The following CDC42BPA variants were observed in gnomAD, a reference collection of about 807,000 sequenced individuals.
The protein encoded by CDC42BPA is serine/threonine-protein kinase MRCK alpha.
Under a neutral mutation model 223.5 loss-of-function variants are expected in CDC42BPA, and 80 were observed. The ratio of observed to expected loss-of-function variants is 0.36; its 90% CI spans 0.30 to 0.43. The LOEUF is 0.43. Ranked by LOEUF, CDC42BPA falls within the 20% of genes least tolerant of loss-of-function variation. CDC42BPA has a pLI of 1.00. For missense variants in CDC42BPA, 1,743 were observed against 2,099.9 expected, an observed-to-expected ratio of 0.83 and a Z score of 3.32; for synonymous variants, 694 against 718.6, an observed-to-expected ratio of 0.97 and a Z score of 0.55.
Position 227,096,831 on chromosome 1 carries a change from T to C in CDC42BPA, c.2249+4161A>G, listed in dbSNP as rs536923277. 2.6e-5 allele frequency among the ~76,000 whole-genome samples: 4 copies of C among 152,292 alleles called. No homozygotes were observed. In the South Asian group the frequency reaches 6.2e-4, roughly 24 times the overall value. On this transcript the variant is annotated intron_variant, in intron 15 of 36. Transcript: ENST00000366766. ...GACACCAGCTGGTTTTATTTATGTA[T>C]TCAGCTGATGATCTCTGAATCTACA...
chr1:227,279,260 A>G (rs1214438012), intron 1 of CDC42BPA, among the ~76,000 whole-genome samples: 7 of 152,114 alleles, frequency 4.6e-5, no homozygotes, highest in Non-Finnish European at 1.0e-4. Context: ...ATTGACTGGA[A>G]ATTTAAAATT....
intron 1 of CDC42BPA, among the ~76,000 whole-genome samples, chr1:227,254,801 G>T (rs1005270941): frequency 9.9e-5 from 15 of 152,166 alleles, no homozygotes; most frequent in Non-Finnish European, 2.2e-4. Flanking sequence ...TAATTATGTG[G>T]ATACTAATGC....
intron 16 of CDC42BPA, among the ~76,000 whole-genome samples, chr1:227,084,519 C>T (rs1681402218): frequency 7.3e-6 from 1 of 136,942 alleles, no homozygotes. Context: ...CAGAGTGAGA[C>T]TTCATCTCAA....
chr1:227,004,896 C>T (rs753077937), intron 35 of CDC42BPA, 98 bp downstream of exon 35: 32 of 842,032 alleles, frequency 3.8e-5, no homozygotes, highest in Non-Finnish European at 5.9e-5. Flanking sequence ...ATGCAATGGG[C>T]ACACGTAAGT....
intron 14 of CDC42BPA, among the ~76,000 whole-genome samples, chr1:227,106,613 A>C (rs1190931533): frequency 1.3e-5 from 2 of 152,178 alleles, no homozygotes; most frequent in East Asian, 3.8e-4. Flanking sequence ...AAAGAGTTTG[A>C]GAAGGATTGG....
At position 227,253,540 on chromosome 1, in the gene CDC42BPA, G is replaced by A. The variant is rs145414969; in HGVS notation, c.270+524C>T. On this transcript the variant is annotated intron_variant, in intron 2 of 36. Transcript: ENST00000366766. ...GAATCCGGGAGGTGGAGGTTGTAGT[G>A]AGCCAAGATCATGCCACTGCGCTCC... Among the ~76,000 whole-genome samples the A allele has an allele frequency of 3.1e-3, 469 of 152,158 alleles. 3 individuals carry two copies. Among genetic ancestry groups the A allele is most frequent in the African/African-American group, 0.01 (418 of 41,486 alleles).
In CDC42BPA at chr1:227,035,587, T is replaced by C. The variant is rs767179248; in HGVS notation, c.3220A>G (p.Ile1074Val). ...SCEVCGFSCH[I>V]TCVNKAPTTC... The stretch of plus-strand genomic sequence containing the variant: ...GTTGGAGCTTTGTTTACACAAGTTA[T>C]ATGGCATGAGAATCCACACACTTTT... Residue 1074 changes from isoleucine (I) to valine (V), a missense_variant, in exon 25 of 37, where the codon ATA becomes GTA. Around this residue, in one of 6 missense-constraint regions of CDC42BPA, gnomAD observed 678 missense variants for 777.5 expected, o/e 0.87. Coordinates refer to ENST00000366766, the MANE Select transcript of CDC42BPA (RefSeq NM_001394014.1). 66 of 1,596,556 alleles carry C rather than the reference T, an allele frequency of 4.1e-5. No individual in the cohort carries two copies. Among genetic ancestry groups the C allele is most frequent in the Admixed American group, 7.5e-5 (4 of 53,690 alleles).
At chr1:227,296,708 TCA>T (rs1553439793) in intron 1 of CDC42BPA, among the ~76,000 whole-genome samples, 1 of 51,804 alleles carries the variant, frequency 1.9e-5, no homozygotes, top group Admixed American at 2.5e-4. Flanking sequence ...TCTCCCCACA[TCA>T]AAAAAAAAAA....
intron 5 of CDC42BPA, among the ~76,000 whole-genome samples, chr1:227,189,343 T>C (rs1222874059): frequency 6.6e-6 from 1 of 152,192 alleles, no homozygotes; most frequent in Non-Finnish European, 1.5e-5. Context: ...TCAATAGACC[T>C]AGACAGAAAA....
At position 227,317,796 on chromosome 1, in the gene CDC42BPA, C is replaced by T. The variant is rs878993580; in HGVS notation, c.-614G>A. ...AGGGGGCGAGGTCCCTGAAGCAGCC[C>T]CTCGGCTCGGAGCACGCCAAGTCTT... On this transcript the variant is annotated 5_prime_UTR_variant, in exon 1 of 37. Transcript: ENST00000366766. The T allele has an allele frequency of 2.5e-6, 1 of 398,668 alleles. No individual in the cohort carries two copies. The highest frequency in any genetic ancestry group is 4.4e-6 in the Non-Finnish European group (1 of 226,120). The allele number at this position is 398,668 out of a possible 1,614,324, so 24.7% of individuals were successfully genotyped here. A position where few individuals can be genotyped will look rare whatever the true frequency, so the allele number is the denominator to read the frequency against.
At chr1:227,307,276 TA>T in intron 1 of CDC42BPA, among the ~76,000 whole-genome samples, 1 of 152,274 alleles carries the variant, frequency 6.6e-6, no homozygotes, top group South Asian at 2.1e-4. Context: ...ACAGATACGC[TA>T]AAAAATATGG....
chr1:227,072,382 T>C, intron 19 of CDC42BPA, 83 bp from the exon 20 acceptor site: 1 of 742,194 alleles, frequency 1.3e-6, no homozygotes, highest in Non-Finnish European at 2.3e-6. Flanking sequence ...CAAACTTACT[T>C]GGTTTAAATG....
At chr1:227,019,093 T>C (rs1462104853) in intron 32 of CDC42BPA, among the ~76,000 whole-genome samples, 2 of 152,222 alleles carry the variant, frequency 1.3e-5, no homozygotes, top group African/African-American at 4.8e-5. Context: ...GGTAACATTT[T>C]ACCCACAGTA....
rs538578347 is a variant in CDC42BPA at position 226,990,097 on chromosome 1, A to T, written c.*4171T>A. The T allele has an allele frequency of 5.2e-5, 8 of 152,578 alleles. No homozygotes were observed. Among genetic ancestry groups the T allele is most frequent in the African/African-American group, 1.9e-4 (8 of 41,594 alleles). The allele number at this position is 152,578 out of a possible 1,614,324, so 9.5% of individuals were successfully genotyped here. A position where few individuals can be genotyped will look rare whatever the true frequency, so the allele number is the denominator to read the frequency against. On this transcript the variant is annotated 3_prime_UTR_variant, in exon 37 of 37. Coordinates refer to ENST00000366766, the MANE Select transcript of CDC42BPA (RefSeq NM_001394014.1). ...AAAATAAGGAGTGATAGGCTAAAGC[A>T]GTATCTTCCCCTCCATCCACATTTG...
At chr1:227,129,920 A>T (rs924243996) in intron 10 of CDC42BPA, among the ~76,000 whole-genome samples, 2 of 152,068 alleles carry the variant, frequency 1.3e-5, no homozygotes, top group African/African-American at 2.4e-5. Context: ...ACATATGCAG[A>T]AATGCTGGCC....
intron 28 of CDC42BPA, 138 bp downstream of exon 28, chr1:227,031,160 A>G: frequency 1.5e-6 from 1 of 660,530 alleles, no homozygotes; most frequent in Non-Finnish European, 2.7e-6. Context: ...TCATTCATTC[A>G]GTAAACATGT....
At chr1:227,218,651 T>C (rs1167096190) in intron 2 of CDC42BPA, among the ~76,000 whole-genome samples, 1 of 152,198 alleles carries the variant, frequency 6.6e-6, no homozygotes, top group African/African-American at 2.4e-5. Context: ...TATACTTTAC[T>C]ACTCCAAGTA....
At chr1:227,262,370 T>TA (rs547859585) in intron 1 of CDC42BPA, among the ~76,000 whole-genome samples, 150 of 148,644 alleles carry the variant, frequency 1.0e-3, no homozygotes, top group African/African-American at 2.4e-3. Flanking sequence ...TACTCAAACT[T>TA]AAAAAAAAAA....
chr1:227,204,079 C>A (rs1482199003), intron 3 of CDC42BPA, among the ~76,000 whole-genome samples: 1 of 152,194 alleles, frequency 6.6e-6, no homozygotes, highest in Non-Finnish European at 1.5e-5. Context: ...AGAATACTAT[C>A]ACAGAGAAAC....
Sources: gnomAD v4.1 joint callset for allele counts (sites outside exome capture counted in the v4.1 genomes callset) on GRCh38, gnomAD v4.1.1 for gene constraint, gnomAD v4.1.1 regional missense constraint, MANE v1.5 for transcripts, NCBI Gene and HGNC (gene_info 2026-07-23, HGNC 2026-07-21) for gene names.